The following KIAA1671 variants were observed in gnomAD, a reference collection of about 807,000 sequenced individuals.
KIAA1671 encodes the protein KIAA1671, also known as uncharacterized protein KIAA1671.
Under a neutral mutation model 131.2 loss-of-function variants are expected in KIAA1671, and 52 were observed. The ratio of observed to expected loss-of-function variants is 0.40; its 90% CI spans 0.32 to 0.50. The LOEUF (loss-of-function observed/expected upper bound fraction) is 0.50, where lower values mean the gene tolerates loss of function less well. Among genes scored for constraint, KIAA1671 ranks in the 20% least tolerant of loss-of-function variants. The pLI, the probability that KIAA1671 is intolerant of heterozygous loss-of-function variation, is 0.73. For synonymous variants in KIAA1671, 1,003 were observed against 961.6 expected (o/e 1.04, Z -0.80); for missense variants, 2,360 against 2,364.2 (o/e 1.00, Z 0.04).
chr22:25,094,562 G>T (rs1214839502), intron 6 of KIAA1671, among the ~76,000 whole-genome samples: 1 of 152,192 alleles, frequency 6.6e-6, no homozygotes, highest in Non-Finnish European at 1.5e-5. Context: ...GTTCATTTTA[G>T]TGAAGGCTGA....
intron 6 of KIAA1671, among the ~76,000 whole-genome samples, chr22:25,078,269 A>C (rs1001495520): frequency 3.3e-5 from 5 of 152,204 alleles, no homozygotes; most frequent in African/African-American, 1.2e-4. Flanking sequence ...TCACGCCTGT[A>C]ATCCCAAGAC....
intron 11 of KIAA1671, chr22:25,186,454 A>T (rs374476046): frequency 6.6e-6 from 1 of 152,124 alleles, no homozygotes; most frequent in Non-Finnish European, 1.5e-5. Flanking sequence ...TAAAGAAAAA[A>T]AATTAGCTGG....
At chr22:25,175,299 A>AC (rs1419016440) in intron 8 of KIAA1671, 1 of 151,846 alleles carries the variant, frequency 6.6e-6, no homozygotes, top group Non-Finnish European at 1.5e-5. Context: ...TGTGAAAGGG[A>AC]CCCTCTCTCC....
chr22:25,157,959 C>T (rs1933302062), intron 6 of KIAA1671, among the ~76,000 whole-genome samples: 1 of 151,990 alleles, frequency 6.6e-6, no homozygotes, highest in Non-Finnish European at 1.5e-5. Flanking sequence ...GTAGCTGGGA[C>T]TACAGGTACC....
chr22:25,185,142 G>T, intron 11 of KIAA1671, 23 bp downstream of exon 11: 1 of 1,528,208 alleles, frequency 6.5e-7, no homozygotes, highest in Non-Finnish European at 8.8e-7. Flanking sequence ...GGGGAATGGG[G>T]GTCCCTCTCC....
At chr22:25,093,838 G>C (rs8137989) in intron 6 of KIAA1671, among the ~76,000 whole-genome samples, 3,850 of 19,340 alleles carry the variant, frequency 0.2, 821 homozygotes, top group African/African-American at 0.35. Context: ...CTCTCTGTCT[G>C]TCTCTCTCTC....
Position 25,039,241 on chromosome 22 carries a change from A to G in KIAA1671, c.2111A>G (p.Lys704Arg). Residue 704 changes from lysine to arginine, a missense_variant, in exon 5 of 13, where the codon AAA becomes AGA. By Grantham distance (26) the Lys-to-Arg change is conservative (BLOSUM62 2). Around this residue, in one of 3 missense-constraint regions of KIAA1671, gnomAD observed 1,185 missense variants for 1,126.2 expected, o/e 1.05. Transcript: ENST00000358431. ...CCGTATCACACGCCTCTCCGGGACA[A>G]ATACCCTTTGTCTGAAAACCACAAT... ...LRPYHTPLRD[K>R]YPLSENHNNN... The G allele has an allele frequency of 1.9e-6, 3 of 1,552,340 alleles. No individual in the cohort carries two copies. Among genetic ancestry groups the G allele is most frequent in the Non-Finnish European group, 2.6e-6 (3 of 1,147,132 alleles).
At chr22:25,093,806 CTCTCTG>C (rs1568951406) in intron 6 of KIAA1671, among the ~76,000 whole-genome samples, 20 of 128,618 alleles carry the variant, frequency 1.6e-4, no homozygotes, top group East Asian at 6.6e-4. Context: ...CTCTCTCTCT[CTCTCTG>C]TCTCTCTCTC....
intron 10 of KIAA1671, among the ~76,000 whole-genome samples, chr22:25,183,249 G>A (rs1012169079): frequency 1.3e-5 from 2 of 152,162 alleles, no homozygotes; most frequent in Non-Finnish European, 2.9e-5. Flanking sequence ...ATGTGGGAGC[G>A]CCGTGACTCT....
intron 6 of KIAA1671, among the ~76,000 whole-genome samples, chr22:25,141,416 T>C (rs1180621072): frequency 1.3e-5 from 2 of 152,032 alleles, no homozygotes; most frequent in Non-Finnish European, 2.9e-5. Context: ...GTATTTTTAG[T>C]AGAGACGGGG....
intron 1 of KIAA1671, among the ~76,000 whole-genome samples, chr22:24,998,694 G>A (rs1326832756): frequency 6.7e-6 from 1 of 149,140 alleles, no homozygotes; most frequent in Non-Finnish European, 1.5e-5. Context: ...CTCCAGCCTG[G>A]GCGACAGAGC....
At chr22:25,126,254 T>C (rs1932182790) in intron 6 of KIAA1671, among the ~76,000 whole-genome samples, 1 of 152,236 alleles carries the variant, frequency 6.6e-6, no homozygotes, top group South Asian at 2.1e-4. Flanking sequence ...ATCACCAGCC[T>C]GATTTCTAGA....
At chr22:25,105,789 A>G (rs1002670445) in intron 6 of KIAA1671, among the ~76,000 whole-genome samples, 4 of 144,534 alleles carry the variant, frequency 2.8e-5, no homozygotes, top group Admixed American at 1.4e-4. Flanking sequence ...GGTGAGGGCC[A>G]GGATATATAG....
At chr22:25,093,750 C>CTCTCTCTCTCTCTCTCTG (rs1568951044) in intron 6 of KIAA1671, among the ~76,000 whole-genome samples, 1 of 118,938 alleles carries the variant, frequency 8.4e-6, no homozygotes, top group Admixed American at 8.7e-5. Flanking sequence ...CTCTCTCTCT[C>CTCTCTCTCTCTCTCTCTG]TCTCTCTCTC....
chr22:25,042,801 AG>A, intron 5 of KIAA1671, among the ~76,000 whole-genome samples: 1 of 152,048 alleles, frequency 6.6e-6, no homozygotes. Context: ...GGGTGATCCC[AG>A]GAAGAACCAG....
At chr22:25,026,425 T>C (rs1457408138) in intron 2 of KIAA1671, among the ~76,000 whole-genome samples, 1 of 152,038 alleles carries the variant, frequency 6.6e-6, no homozygotes, top group Non-Finnish European at 1.5e-5. Flanking sequence ...GAATAAAAAA[T>C]AATTTTTAAA....
At chr22:24,957,960 C>T (rs1271310683) in intron 1 of KIAA1671, among the ~76,000 whole-genome samples, 13 of 139,362 alleles carry the variant, frequency 9.3e-5, no homozygotes, top group African/African-American at 3.5e-4. Context: ...TTACAGGCAC[C>T]CGGCCTTTTT....
chr22:25,026,841 T>C (rs1318079297), intron 2 of KIAA1671, among the ~76,000 whole-genome samples: 2 of 152,118 alleles, frequency 1.3e-5, no homozygotes, highest in African/African-American at 4.8e-5. Flanking sequence ...TTCATCTCCA[T>C]GAGGGAGATA....
intron 1 of KIAA1671, among the ~76,000 whole-genome samples, chr22:24,977,644 G>A (rs951689588): frequency 1.3e-5 from 2 of 152,210 alleles, no homozygotes; most frequent in South Asian, 4.1e-4. Context: ...CTGGCTTCTC[G>A]CCCTTAGATT....
Sources: allele counts gnomAD v4.1 joint callset (sites outside exome capture counted in the v4.1 genomes callset), GRCh38; gene constraint gnomAD v4.1.1; regional missense constraint gnomAD v4.1.1; transcripts MANE v1.5; gene names NCBI Gene and HGNC (gene_info 2026-07-23, HGNC 2026-07-21).